ATXN3: variants seen among roughly 807,000 people sequenced by gnomAD.
The protein encoded by ATXN3 is ataxin-3.
Under a neutral mutation model 58.2 loss-of-function variants are expected in ATXN3, and 28 were observed. The ratio of observed to expected loss-of-function variants is 0.48; its 90% CI spans 0.36 to 0.66. ATXN3 has a LOEUF of 0.66. Among genes scored for constraint, ATXN3 ranks in the 30% least tolerant of loss-of-function variants. The probability of loss-of-function intolerance (pLI) is 0.00; values close to 1 mark genes in which losing one functional copy is unlikely to be tolerated. For missense variants in ATXN3, 321 were observed against 422.1 expected, an observed-to-expected ratio of 0.76 and a Z score of 2.10; for synonymous variants, 113 against 138.5, an observed-to-expected ratio of 0.82 and a Z score of 1.29.
At chr14:92,077,683 T>C (rs2060660170) in intron 9 of ATXN3, 1 of 150,604 alleles carries the variant, frequency 6.6e-6, no homozygotes, top group Non-Finnish European at 1.5e-5. Flanking sequence ...TCTCGCTCTG[T>C]CACCCAGGAT....
At chr14:92,088,875 C>T (rs1435625679) in intron 5 of ATXN3, 58 bp from the exon 6 acceptor site, 1 of 993,316 alleles carries the variant, frequency 1.0e-6, no homozygotes, top group Non-Finnish European at 1.6e-6. Flanking sequence ...AAGGAAGTTT[C>T]ACATGTTAAG....
At chr14:92,095,619 T>G (rs533620624) in intron 3 of ATXN3, among the ~76,000 whole-genome samples, 5 of 151,942 alleles carry the variant, frequency 3.3e-5, no homozygotes, top group African/African-American at 1.2e-4. Context: ...CCCACTCTAA[T>G]ATGAAGATTC....
chr14:92,101,515 A>G (rs1007590351), intron 1 of ATXN3, among the ~76,000 whole-genome samples: 16 of 152,290 alleles, frequency 1.1e-4, no homozygotes, highest in African/African-American at 3.9e-4. Context: ...TCAAGCTTTA[A>G]TCAAAGCAGA....
In ATXN3 at chr14:92,060,719, C is replaced by T. The variant is rs1432835896; in HGVS notation, c.*3601G>A. The T allele has an allele frequency of 1.3e-5, 2 of 149,984 alleles. No homozygotes were observed. Among genetic ancestry groups the T allele is most frequent in the African/African-American group, 4.9e-5 (2 of 40,592 alleles). The allele number at this position is 149,984 out of a possible 1,614,324, so 9.3% of individuals were successfully genotyped here. A position where few individuals can be genotyped will look rare whatever the true frequency, so the allele number is the denominator to read the frequency against. ...GGCCGGTTTTAAGAATTTAGTAGCT[C>T]TTGGCACTAGCATGATTTTTTTTTT... On this transcript the variant is annotated 3_prime_UTR_variant, in exon 11 of 11. Transcript: ENST00000644486.
chr14:92,101,789 C>T (rs1321044505), intron 1 of ATXN3, among the ~76,000 whole-genome samples: 5 of 152,238 alleles, frequency 3.3e-5, no homozygotes, highest in South Asian at 2.1e-4. Flanking sequence ...ACCCAGGAGG[C>T]GGAGGTTGCA....
chr14:92,091,373 C>A (rs990666636), intron 5 of ATXN3, among the ~76,000 whole-genome samples: 4 of 152,018 alleles, frequency 2.6e-5, no homozygotes, highest in Non-Finnish European at 5.9e-5. Context: ...ATTGCTTGAA[C>A]CCAGGTGGCG....
chr14:92,074,033 A>C (rs2059918585), intron 9 of ATXN3, among the ~76,000 whole-genome samples: 1 of 131,248 alleles, frequency 7.6e-6, no homozygotes, highest in Non-Finnish European at 1.6e-5. Context: ...AAAAAAAAAA[A>C]AGGGAGAAAT....
rs987542474 is a variant in ATXN3 at position 92,062,180 on chromosome 14, C to G, written c.*2140G>C. On this transcript the variant is annotated 3_prime_UTR_variant, in exon 11 of 11. Transcript: ENST00000644486. ...GCTGAGGCAGGAGAATTGCTTGAAC[C>G]CGGGAGGTGGAAGTTGTAGTGAGCC... The G allele has an allele frequency of 3.9e-5, 6 of 152,110 alleles. No individual in the cohort carries two copies. Among genetic ancestry groups the G allele is most frequent in the African/African-American group, 1.4e-4 (6 of 41,386 alleles). The allele number at this position is 152,110 out of a possible 1,614,324, so 9.4% of individuals were successfully genotyped here. A position where few individuals can be genotyped will look rare whatever the true frequency, so the allele number is the denominator to read the frequency against.
At chr14:92,099,336 TGGAATA>T (rs2141222483) in intron 1 of ATXN3, among the ~76,000 whole-genome samples, 1 of 152,328 alleles carries the variant, frequency 6.6e-6, no homozygotes, top group East Asian at 1.9e-4. Context: ...ATGTGTATAA[TGGAATA>T]GGAAGACAAC....
chr14:92,055,370 A>G (rs1192391841), downstream of ATXN3, among the ~76,000 whole-genome samples: 8 of 152,186 alleles, frequency 5.3e-5, no homozygotes, highest in African/African-American at 1.4e-4. This position sits in a 1 kb window ranked among gnomAD's most constrained non-coding sequence, Gnocchi z 4.5. Flanking sequence ...AAAATTTTGT[A>G]ACCATTTTCA....
chr14:92,076,320 C>T (rs547312155), intron 9 of ATXN3, among the ~76,000 whole-genome samples: 43 of 151,902 alleles, frequency 2.8e-4, no homozygotes, highest in Admixed American at 1.7e-3. Flanking sequence ...TGGTGGCATG[C>T]GCCTGTAATC....
intron 2 of ATXN3, 70 bp from the exon 3 acceptor site, chr14:92,096,207 G>A (rs956167715): frequency 2.2e-5 from 36 of 1,611,714 alleles, no homozygotes; most frequent in South Asian, 7.7e-5. Context: ...TGTCATTAGC[G>A]TGCATATTTA....
At chr14:92,090,844 CATAA>C (rs2063620375) in intron 5 of ATXN3, among the ~76,000 whole-genome samples, 2 of 151,834 alleles carry the variant, frequency 1.3e-5, no homozygotes, top group African/African-American at 4.8e-5. Flanking sequence ...TTTAAAAACA[CATAA>C]ATAAAACCCA....
At chr14:92,095,856 C>A (rs181356152) in intron 3 of ATXN3, among the ~76,000 whole-genome samples, 1 of 151,678 alleles carries the variant, frequency 6.6e-6, no homozygotes, top group Non-Finnish European at 1.5e-5. Flanking sequence ...GCAGGAGGAT[C>A]GCTTGAACCC....
rs746644142 is a variant in ATXN3 at position 92,093,737 on chromosome 14, G to A, written c.320+9C>T. 3.2e-6 allele frequency: 5 copies of A among 1,564,856 alleles called. No homozygotes were observed. The highest frequency in any genetic ancestry group is 2.6e-6 in the Non-Finnish European group (3 of 1,149,958). On this transcript the variant is annotated intron_variant, in intron 4 of 10. Coordinates refer to ENST00000644486, the MANE Select transcript of ATXN3 (RefSeq NM_004993.6). ...AAAGAAATGTATGAAATGCAAAACA[G>A]AATCTTACATAGGATCGATCCTGAG... is the stretch of plus-strand genomic sequence containing the variant.
chr14:92,088,867 G>C (rs769463708), intron 5 of ATXN3, 50 bp from the exon 6 acceptor site: 1 of 1,070,246 alleles, frequency 9.3e-7, no homozygotes, highest in South Asian at 1.3e-5. Flanking sequence ...TAGGTAATAA[G>C]GAAGTTTCAC....
intron 7 of ATXN3, 66 bp downstream of exon 7, chr14:92,083,060 G>C: frequency 6.6e-7 from 1 of 1,523,804 alleles, no homozygotes; most frequent in Non-Finnish European, 8.8e-7. Flanking sequence ...TTCAATCTAA[G>C]CATGAAAATT....
chr14:92,070,876 C>T (rs752783244), intron 10 of ATXN3, 59 bp downstream of exon 10: 1 of 1,613,508 alleles, frequency 6.2e-7, no homozygotes. Flanking sequence ...TCACATGGAG[C>T]TCGTATGTCA....
At chr14:92,106,194 G>A (rs960962423) in intron 1 of ATXN3, among the ~76,000 whole-genome samples, 1 of 152,180 alleles carries the variant, frequency 6.6e-6, no homozygotes, top group Non-Finnish European at 1.5e-5. Context: ...GGATTGGGGA[G>A]GGGTGAAGGA....
Sources: allele counts gnomAD v4.1 joint callset (sites outside exome capture counted in the v4.1 genomes callset), GRCh38; gene constraint gnomAD v4.1.1; non-coding constraint Gnocchi (gnomAD v3.1); transcripts MANE v1.5; gene names NCBI Gene and HGNC (gene_info 2026-07-23, HGNC 2026-07-21).